The following CTBP2 variants were observed in gnomAD, a reference collection of about 807,000 sequenced individuals.
The protein encoded by CTBP2 is C-terminal-binding protein 2.
Under a neutral mutation model 80.3 loss-of-function variants are expected in CTBP2, and 30 were observed. That is an observed-to-expected ratio of 0.37 (90% CI 0.28 to 0.51). CTBP2 has a LOEUF of 0.51. Among genes scored for constraint, CTBP2 ranks in the 20% least tolerant of loss-of-function variants. The probability of loss-of-function intolerance (pLI) is 0.93; values close to 1 mark genes in which losing one functional copy is unlikely to be tolerated. For synonymous variants in CTBP2, 594 were observed against 587.4 expected, an observed-to-expected ratio of 1.01 and a Z score of -0.16; for missense variants, 1,212 against 1,375.3, an observed-to-expected ratio of 0.88 and a Z score of 1.88.
chr10:125,155,746 G>GAA (rs1216986504), intron 1 of CTBP2, among the ~76,000 whole-genome samples: 3 of 151,908 alleles, frequency 2.0e-5, no homozygotes, highest in African/African-American at 7.2e-5. Context: ...AGACTTGAAT[G>GAA]AAAATTAACT....
At chr10:125,061,854 A>G (rs1315362629) in intron 2 of CTBP2, among the ~76,000 whole-genome samples, 1 of 152,146 alleles carries the variant, frequency 6.6e-6, no homozygotes, top group Non-Finnish European at 1.5e-5. Flanking sequence ...CATCCTGGAC[A>G]CTGTTCCCGT....
At chr10:125,040,882 G>A (rs1049612968) in intron 2 of CTBP2, among the ~76,000 whole-genome samples, 1 of 152,114 alleles carries the variant, frequency 6.6e-6, no homozygotes, top group Non-Finnish European at 1.5e-5. Context: ...AAAGAGCTAC[G>A]AAAAAGCACA....
At chr10:125,079,338 C>T (rs988322299) in intron 2 of CTBP2, among the ~76,000 whole-genome samples, 6 of 152,124 alleles carry the variant, frequency 3.9e-5, no homozygotes, top group East Asian at 3.9e-4. Context: ...CGGTTCCCAG[C>T]GGTGGCGGCA....
chr10:125,105,694 T>C (rs1851347554), intron 2 of CTBP2, among the ~76,000 whole-genome samples: 1 of 152,168 alleles, frequency 6.6e-6, no homozygotes, highest in African/African-American at 2.4e-5. Flanking sequence ...AAAAAACAAG[T>C]TATTGGTCTA....
chr10:125,028,064 G>T lies in CTBP2; in HGVS notation c.-305C>A. 1 of 438,004 alleles carries T rather than the reference G, an allele frequency of 2.3e-6. No homozygotes were observed. The highest frequency in any genetic ancestry group is 3.6e-6 in the Non-Finnish European group (1 of 277,164). The allele number at this position is 438,004 out of a possible 1,614,324, so 27.1% of individuals were successfully genotyped here. A position where few individuals can be genotyped will look rare whatever the true frequency, so the allele number is the denominator to read the frequency against. Reference sequence around the variant, plus strand: ...CCTGCCAGGTCCCCCTTCCTGGCTGGTGTGCTCACATGGACCAGGGCTCTC... The same window carrying T: ...CCTGCCAGGTCCCCCTTCCTGGCTGTTGTGCTCACATGGACCAGGGCTCTC... On this transcript the variant is annotated 5_prime_UTR_variant, in exon 1 of 9. Coordinates refer to ENST00000309035, the MANE Select transcript of CTBP2 (RefSeq NM_022802.3).
At chr10:125,013,426 G>C (rs865913690) in intron 1 of CTBP2, among the ~76,000 whole-genome samples, 1 of 152,210 alleles carries the variant, frequency 6.6e-6, no homozygotes, top group Admixed American at 6.5e-5. Flanking sequence ...CACCGCTGCC[G>C]TCAGCCTCTT....
intron 2 of CTBP2, among the ~76,000 whole-genome samples, chr10:125,072,634 GAAA>G (rs55742060): frequency 0.23 from 23,311 of 100,528 alleles, 1,998 homozygotes; most frequent in South Asian, 0.32. Flanking sequence ...AAAAAGAAAA[GAAA>G]AAAAAAAAAA....
chr10:125,031,323 T>C (rs1053845471), upstream of CTBP2, among the ~76,000 whole-genome samples: 2 of 151,754 alleles, frequency 1.3e-5, no homozygotes, highest in African/African-American at 4.8e-5. Flanking sequence ...ACCCTGTCTC[T>C]ACTAAAAATA....
At chr10:125,090,823 C>T (rs534540207) in intron 2 of CTBP2, among the ~76,000 whole-genome samples, 2 of 152,072 alleles carry the variant, frequency 1.3e-5, no homozygotes, top group South Asian at 4.2e-4. Context: ...AATAACCAAC[C>T]ACACTGACAG....
At chr10:125,133,621 A>C (rs1043142960) in intron 1 of CTBP2, 2 of 152,250 alleles carry the variant, frequency 1.3e-5, no homozygotes, top group African/African-American at 4.8e-5. Context: ...ATCTGAAAAC[A>C]GAGGCTTGTT....
chr10:125,067,931 C>T (rs2135420284), intron 2 of CTBP2, among the ~76,000 whole-genome samples: 1 of 152,268 alleles, frequency 6.6e-6, no homozygotes, highest in South Asian at 2.1e-4. Context: ...CCGATGTATA[C>T]CCTAGGAGGC....
chr10:125,079,266 A>G (rs891583232), intron 2 of CTBP2, among the ~76,000 whole-genome samples: 4 of 152,112 alleles, frequency 2.6e-5, no homozygotes, highest in South Asian at 2.1e-4. Context: ...CTCCTGCTCT[A>G]AAGTACACGG....
intron 4 of CTBP2, 100 bp downstream of exon 6, chr10:124,997,864 C>T (rs937602647): frequency 3.1e-6 from 4 of 1,297,968 alleles, no homozygotes; most frequent in African/African-American, 1.5e-5. Context: ...CCTGCCCTGG[C>T]TCCTCAAGAG....
chr10:125,147,733 C>T (rs901284222), intron 1 of CTBP2, among the ~76,000 whole-genome samples: 4 of 152,112 alleles, frequency 2.6e-5, no homozygotes, highest in Non-Finnish European at 5.9e-5. Context: ...CCCATCTCTA[C>T]AAAAAATACA....
At chr10:125,073,985 G>C (rs770062488) in intron 2 of CTBP2, among the ~76,000 whole-genome samples, 2 of 152,132 alleles carry the variant, frequency 1.3e-5, no homozygotes, top group Non-Finnish European at 2.9e-5. Flanking sequence ...CAGAATGCTG[G>C]GGATGTTCTC....
At chr10:125,136,052 T>C (rs1856926104) in intron 1 of CTBP2, among the ~76,000 whole-genome samples, 1 of 152,258 alleles carries the variant, frequency 6.6e-6, no homozygotes, top group Non-Finnish European at 1.5e-5. Context: ...ACCTGGGAAC[T>C]TTTTATTACC....
At chr10:125,058,147 T>A (rs1964318051) in intron 2 of CTBP2, among the ~76,000 whole-genome samples, 1 of 152,138 alleles carries the variant, frequency 6.6e-6, no homozygotes. Context: ...TCTTGGACTG[T>A]CACCTGAACT....
chr10:125,091,695 G>T (rs868730570), intron 2 of CTBP2, among the ~76,000 whole-genome samples: 1 of 152,200 alleles, frequency 6.6e-6, no homozygotes, highest in Non-Finnish European at 1.5e-5. Flanking sequence ...GCTTGAGCCC[G>T]GAGGTCAAGA....
chr10:125,049,083 A>G (rs868867108), intron 2 of CTBP2, among the ~76,000 whole-genome samples: 20 of 140,714 alleles, frequency 1.4e-4, no homozygotes, highest in African/African-American at 5.4e-4. Context: ...ACACACACAC[A>G]CACACACACG....
Sources: allele counts gnomAD v4.1 joint callset (sites outside exome capture counted in the v4.1 genomes callset), GRCh38; gene constraint gnomAD v4.1.1; transcripts MANE v1.5; gene names NCBI Gene and HGNC (gene_info 2026-07-23, HGNC 2026-07-21).